The following ST3GAL1 variants were observed in gnomAD, a reference collection of about 807,000 sequenced individuals.
The protein encoded by ST3GAL1 is CMP-N-acetylneuraminate-beta-galactosamide-alpha-2,3-sialyltransferase 1.
Under a neutral mutation model 34.1 loss-of-function variants are expected in ST3GAL1, and 16 were observed. The ratio of observed to expected loss-of-function variants is 0.47; its 90% CI spans 0.32 to 0.71. ST3GAL1 has a LOEUF of 0.71. ST3GAL1 is among the 30% of genes least tolerant of loss of function. The pLI, the probability that ST3GAL1 is intolerant of heterozygous loss-of-function variation, is 0.04. For synonymous variants in ST3GAL1, 191 were observed against 184.7 expected (o/e 1.03, Z -0.28); for missense variants, 353 against 447.4 (o/e 0.79, Z 1.90).
chr8:133,511,001 T>A (rs943409931), intron 2 of ST3GAL1, among the ~76,000 whole-genome samples: 1 of 152,228 alleles, frequency 6.6e-6, no homozygotes, highest in East Asian at 1.9e-4. Context: ...TTTTAAATGA[T>A]AAACAGAAGT....
intron 8 of ST3GAL1, among the ~76,000 whole-genome samples, chr8:133,462,370 G>A (rs1388416889): frequency 6.6e-6 from 1 of 152,136 alleles, no homozygotes; most frequent in African/African-American, 2.4e-5. Flanking sequence ...AGTGAGTGAA[G>A]ACATATGCAC....
chr8:133,484,004 G>C (rs1227703589), intron 3 of ST3GAL1, among the ~76,000 whole-genome samples: 2 of 152,240 alleles, frequency 1.3e-5, no homozygotes, highest in Non-Finnish European at 2.9e-5. Flanking sequence ...CCGCAGGAAA[G>C]CCTGGCCACC....
intron 2 of ST3GAL1, among the ~76,000 whole-genome samples, chr8:133,539,120 G>A (rs905561548): frequency 6.6e-6 from 1 of 152,196 alleles, no homozygotes; most frequent in African/African-American, 2.4e-5. Flanking sequence ...GCTGATTCCT[G>A]AGAATGCAGT....
intron 2 of ST3GAL1, among the ~76,000 whole-genome samples, chr8:133,534,742 C>G (rs1818259618): frequency 6.6e-6 from 1 of 152,206 alleles, no homozygotes; most frequent in Non-Finnish European, 1.5e-5. Flanking sequence ...AGGCCAGTAG[C>G]AAGGCCAGCT....
chr8:133,555,710 A>G (rs1182869156), intron 1 of ST3GAL1, among the ~76,000 whole-genome samples: 1 of 151,976 alleles, frequency 6.6e-6, no homozygotes, highest in Admixed American at 6.6e-5. Context: ...CCCTCCAATC[A>G]CAGGAGTCGG....
In ST3GAL1 at chr8:133,542,794, A is replaced by AG. The variant is rs1333321951; in HGVS notation, c.-429+2979_-429+2980insC. On this transcript the variant is annotated intron_variant, in intron 2 of 9. Transcript: ENST00000522652. ...TCCTCCATCTCAAAAAAAAAAAAAA[A>AG]AAAAAAAGATGAACAGAGGAAGAAA... Among the ~76,000 whole-genome samples, 80 of 151,924 alleles carry AG rather than the reference A, an allele frequency of 5.3e-4. 1 individual carries two copies. Among genetic ancestry groups the AG allele is most frequent in the African/African-American group, 1.9e-3 (78 of 41,514 alleles).
intron 5 of ST3GAL1, among the ~76,000 whole-genome samples, chr8:133,468,877 C>CT: frequency 6.6e-6 from 1 of 152,194 alleles, no homozygotes; most frequent in African/African-American, 2.4e-5. Context: ...GGGTAGAGGA[C>CT]CACAGCCAGA....
At chr8:133,564,519 T>TACAC (rs60855292) in intron 1 of ST3GAL1, among the ~76,000 whole-genome samples, 46,733 of 145,774 alleles carry the variant, frequency 0.32, 8,405 homozygotes, top group Middle Eastern at 0.44. Context: ...AAAGAGAAAA[T>TACAC]ACACACACAC....
intron 2 of ST3GAL1, among the ~76,000 whole-genome samples, chr8:133,540,750 T>TATATATATAGACATATATATATATAGAC (rs1335065937): frequency 6.0e-5 from 5 of 83,662 alleles, no homozygotes; most frequent in Non-Finnish European, 6.7e-5. Flanking sequence ...TATAGACATA[T>TATATATATAGACATATATATATATAGAC]ATATATATAT....
At chr8:133,473,778 T>C (rs2737424) in intron 5 of ST3GAL1, among the ~76,000 whole-genome samples, 64,263 of 152,066 alleles carry the variant, frequency 0.42, 14,245 homozygotes, top group Non-Finnish European at 0.47. Context: ...TCCTAGCATT[T>C]AGTAGGTAGA....
intron 2 of ST3GAL1, among the ~76,000 whole-genome samples, chr8:133,540,792 TAGACATATATATAGAG>T (rs1286263488): frequency 6.6e-4 from 64 of 96,994 alleles, no homozygotes; most frequent in South Asian, 1.1e-3. Context: ...TATATATATA[TAGACATATATATAGAG>T]AGACATATAT....
rs1434157534 is a variant in ST3GAL1 at position 133,475,971 on chromosome 8, G to A, written c.54C>T (p.Phe18=). 1 of 1,613,360 alleles carries A rather than the reference G, an allele frequency of 6.2e-7. No homozygotes were observed. The highest frequency in any genetic ancestry group is 1.1e-5 in the South Asian group (1 of 90,986). ...TCAGGAAGAAGGAGGTGAGGAAGAT[G>A]AAGAGCACGAGGAAGGTGAGCACTT... is the stretch of plus-strand genomic sequence containing the variant. ...TLKVLTFLVL[F]IFLTSFFLNY... is the part of the protein sequence containing the mutation. Residue 18 remains phenylalanine (F), a synonymous_variant, in exon 5 of 10, where the codon TTC becomes TTT. Transcript: ENST00000522652.
chr8:133,495,409 G>A (rs1045161549), intron 3 of ST3GAL1, among the ~76,000 whole-genome samples: 5 of 152,332 alleles, frequency 3.3e-5, no homozygotes, highest in Non-Finnish European at 5.9e-5. Context: ...TCTTATAGAA[G>A]AGGAAACTGA....
chr8:133,514,600 G>C (rs1251604122), intron 2 of ST3GAL1, among the ~76,000 whole-genome samples: 1 of 152,096 alleles, frequency 6.6e-6, no homozygotes, highest in Non-Finnish European at 1.5e-5. Flanking sequence ...TGCACAGGCT[G>C]CCCTCCCACG....
At chr8:133,503,548 G>T (rs962212266) in intron 2 of ST3GAL1, among the ~76,000 whole-genome samples, 1 of 151,458 alleles carries the variant, frequency 6.6e-6, no homozygotes, top group East Asian at 1.9e-4. Context: ...CTTCCTGGCT[G>T]CCTTAAGAAA....
At chr8:133,554,730 CTTTT>C (rs1263832188) in intron 1 of ST3GAL1, among the ~76,000 whole-genome samples, 2 of 137,102 alleles carry the variant, frequency 1.5e-5, no homozygotes, top group African/African-American at 2.7e-5. Context: ...TATTTCTTTT[CTTTT>C]TTTTTTTTTT....
rs113908816 is a variant in ST3GAL1, at chr8:133,554,941, A to G, written c.-581-9015T>C. On this transcript the variant is annotated intron_variant, in intron 1 of 9. Coordinates refer to ENST00000522652, the MANE Select transcript of ST3GAL1 (RefSeq NM_173344.3). ...GTGGGGTTTCACCATGTTGGCCAGG[A>G]TGGTCTCGAGCTCCTGACCTCGTGA... Among the ~76,000 whole-genome samples, 855 of 151,930 alleles carry G rather than the reference A, an allele frequency of 5.6e-3. 7 individuals are homozygous for G. The highest frequency in any genetic ancestry group is 0.019 in the African/African-American group (774 of 41,452).
At chr8:133,518,901 A>G (rs1404837888) in intron 2 of ST3GAL1, among the ~76,000 whole-genome samples, 1 of 152,186 alleles carries the variant, frequency 6.6e-6, no homozygotes, top group Admixed American at 6.5e-5. Context: ...GCAGACTCTG[A>G]TCCCAGCAGT....
chr8:133,492,152 G>A (rs567590471), intron 3 of ST3GAL1, among the ~76,000 whole-genome samples: 1 of 152,226 alleles, frequency 6.6e-6, no homozygotes, highest in Non-Finnish European at 1.5e-5. Context: ...CAGCAAGCAG[G>A]TGGGAGAACA....
Sources: allele counts gnomAD v4.1 joint callset (sites outside exome capture counted in the v4.1 genomes callset), GRCh38; gene constraint gnomAD v4.1.1; transcripts MANE v1.5; gene names NCBI Gene and HGNC (gene_info 2026-07-23, HGNC 2026-07-21).